PPTC7: variants seen among roughly 807,000 people sequenced by gnomAD.
The protein encoded by PPTC7 is protein phosphatase PTC7 homolog.
PPTC7 carries 6 observed loss-of-function variants against 30.8 expected under a neutral mutation model. That is an observed-to-expected ratio of 0.19 (90% CI 0.11 to 0.38). PPTC7 has a LOEUF of 0.38. PPTC7 is among the 10% of genes least tolerant of loss of function. The pLI is 1.00. For missense variants in PPTC7, 218 were observed against 404.8 expected (o/e 0.54, Z 3.96); for synonymous variants, 163 against 168.1 (o/e 0.97, Z 0.23).
intron 1 of PPTC7, among the ~76,000 whole-genome samples, chr12:110,557,536 C>T (rs1003922028): frequency 1.3e-5 from 2 of 152,132 alleles, no homozygotes; most frequent in Non-Finnish European, 2.9e-5. Flanking sequence ...CCTTGGCCTC[C>T]CAAAGTGCCG....
rs2064651140 is a variant in PPTC7 at position 110,582,865 on chromosome 12, G to C, written c.167C>G (p.Ala56Gly). The change falls in exon 1 of 6, where the codon GCG becomes GGG. Residue 56 changes from alanine to glycine, a missense_variant. Ala to Gly is a moderately conservative substitution (Grantham distance 60). Transcript: ENST00000354300. Reference sequence around the variant, plus strand: ...GAAGCACGCGTCGTCCCCGTAGCACGCGCCCTTCTTGAGGAGGCCCTTACG... The same window carrying C: ...GAAGCACGCGTCGTCCCCGTAGCACCCGCCCTTCTTGAGGAGGCCCTTACG... Reference protein sequence around the residue: ...DFRKGLLKKGACYGDDACFVA... With the variant: ...DFRKGLLKKGGCYGDDACFVA... 1 of 1,559,300 alleles carries C rather than the reference G, an allele frequency of 6.4e-7. No homozygotes were observed. The highest frequency in any genetic ancestry group is 8.7e-7 in the Non-Finnish European group (1 of 1,151,660).
In PPTC7 at chr12:110,580,069, G is replaced by A. The variant is rs889083690; in HGVS notation, c.223+2740C>T. Among the ~76,000 whole-genome samples, 3 of 151,428 alleles carry A rather than the reference G, an allele frequency of 2.0e-5. No homozygotes were observed. In the East Asian group the frequency reaches 5.8e-4, roughly 29 times the overall value. ...AAAAGAACAAAAGAAAATGTGATAT[G>A]ATGGTCAGAAGCTGTAGTCACTAAG... On this transcript the variant is annotated intron_variant, in intron 1 of 5. Transcript: ENST00000354300.
chr12:110,582,930 G>T lies in PPTC7; in HGVS notation c.102C>A (p.Tyr34Ter). ...PRAGGGGGGD[Y>*]GLVTAGCGFG... ...AGCCGCAGCCGGCCGTCACCAGTCC[G>T]TAGTCGCCGCCGCCGCCGCCGCCGG... The change falls in exon 1 of 6, where the codon TAC becomes TAA. Residue 34 changes from tyrosine (Y) to a stop codon, truncating the protein, a stop_gained. Transcript: ENST00000354300. LOFTEE classifies it high-confidence loss of function. 6.5e-7 allele frequency: 1 copy of T among 1,547,264 alleles called. No homozygotes were observed. Among genetic ancestry groups the T allele is most frequent in the Non-Finnish European group, 8.7e-7 (1 of 1,145,976 alleles).
chr12:110,573,493 T>C (rs1473953103), intron 1 of PPTC7, among the ~76,000 whole-genome samples: 1 of 152,174 alleles, frequency 6.6e-6, no homozygotes, highest in Non-Finnish European at 1.5e-5. Flanking sequence ...TTTAAAAGCT[T>C]TACAGAGTAG....
chr12:110,552,248 T>G (rs537623110), intron 1 of PPTC7, among the ~76,000 whole-genome samples: 67 of 152,362 alleles, frequency 4.4e-4, no homozygotes, highest in African/African-American at 1.6e-3. Context: ...TCAGCAGGAT[T>G]AGCATCTGTG....
At chr12:110,546,414 CA>C in intron 2 of PPTC7, 1 of 237,456 alleles carries the variant, frequency 4.2e-6, no homozygotes, top group Non-Finnish European at 8.4e-6. Context: ...GCCAAATGCT[CA>C]AAAACATGTT....
intron 5 of PPTC7, 139 bp from the exon 6 acceptor site, chr12:110,537,234 G>T: frequency 6.5e-6 from 3 of 460,996 alleles, no homozygotes; most frequent in East Asian, 3.5e-5. Flanking sequence ...GTAGAATAAA[G>T]AAAAAAATAT....
At chr12:110,580,370 GCT>G (rs1403144785) in intron 1 of PPTC7, among the ~76,000 whole-genome samples, 2 of 152,152 alleles carry the variant, frequency 1.3e-5, no homozygotes, top group African/African-American at 4.8e-5. Flanking sequence ...ACGGAGTCTT[GCT>G]CTGTTACCCA....
intron 1 of PPTC7, among the ~76,000 whole-genome samples, chr12:110,574,205 C>G (rs1421781197): frequency 7.1e-6 from 1 of 141,606 alleles, no homozygotes; most frequent in African/African-American, 2.6e-5. Context: ...AGCAAGAGAC[C>G]TAGGTTCAAG....
chr12:110,554,220 T>C (rs974604564), intron 1 of PPTC7, among the ~76,000 whole-genome samples: 1 of 152,180 alleles, frequency 6.6e-6, no homozygotes, highest in African/African-American at 2.4e-5. Context: ...GTTGTCCAGG[T>C]TGGAGTGTAG....
At chr12:110,544,153 T>C (rs1196004603) in intron 3 of PPTC7, among the ~76,000 whole-genome samples, 2 of 152,222 alleles carry the variant, frequency 1.3e-5, no homozygotes, top group Non-Finnish European at 2.9e-5. Context: ...CTTTTGGATT[T>C]AGACTGGTGA....
chr12:110,542,895 G>C (rs1425885797), intron 3 of PPTC7, among the ~76,000 whole-genome samples: 1 of 152,020 alleles, frequency 6.6e-6, no homozygotes, highest in Non-Finnish European at 1.5e-5. Flanking sequence ...CCCCGGGTGG[G>C]GAGAAAAGAT....
chr12:110,541,085 T>G (rs1053494575), intron 3 of PPTC7, among the ~76,000 whole-genome samples: 3 of 150,712 alleles, frequency 2.0e-5, no homozygotes, highest in Admixed American at 2.0e-4. Flanking sequence ...GCCAATCTTA[T>G]AAGAATTCAT....
At chr12:110,538,586 T>G (rs146229646) in intron 4 of PPTC7, among the ~76,000 whole-genome samples, 1 of 152,324 alleles carries the variant, frequency 6.6e-6, no homozygotes, top group East Asian at 1.9e-4. Context: ...GAAGGATACC[T>G]CAAAAGCTTC....
chr12:110,568,457 T>G (rs1048940167), intron 1 of PPTC7, among the ~76,000 whole-genome samples: 1 of 152,104 alleles, frequency 6.6e-6, no homozygotes, highest in African/African-American at 2.4e-5. Flanking sequence ...TTTCACCATG[T>G]TAGCCAGGAT....
chr12:110,537,888 G>C (rs372038101), intron 5 of PPTC7, among the ~76,000 whole-genome samples: 1 of 152,252 alleles, frequency 6.6e-6, no homozygotes, highest in Non-Finnish European at 1.5e-5. Flanking sequence ...CAAGCATTGC[G>C]GTGGCGGCAA....
chr12:110,563,204 C>A (rs1337270274), intron 1 of PPTC7, among the ~76,000 whole-genome samples: 1 of 148,214 alleles, frequency 6.7e-6, no homozygotes, highest in Non-Finnish European at 1.5e-5. Flanking sequence ...AAATCTGTGT[C>A]TTTTGATTCT....
chr12:110,550,063 G>A (rs77177215), intron 2 of PPTC7, among the ~76,000 whole-genome samples: 3,320 of 152,158 alleles, frequency 0.022, 50 homozygotes, highest in Middle Eastern at 0.048. Context: ...GAAACTGCAA[G>A]ACAAGATCCC....
intron 1 of PPTC7, among the ~76,000 whole-genome samples, chr12:110,568,960 C>T (rs969514137): frequency 6.6e-6 from 1 of 152,132 alleles, no homozygotes; most frequent in African/African-American, 2.4e-5. Flanking sequence ...GGCTGCAGTG[C>T]ACTACAACTA....
Sources: gnomAD v4.1 joint callset for allele counts (sites outside exome capture counted in the v4.1 genomes callset) on GRCh38, gnomAD v4.1.1 for gene constraint, MANE v1.5 for transcripts, NCBI Gene and HGNC (gene_info 2026-07-23, HGNC 2026-07-21) for gene names.